The following LRRC15 variants were observed in gnomAD, a reference collection of about 807,000 sequenced individuals.
LRRC15 encodes the protein leucine-rich repeat-containing protein 15.
Under a neutral mutation model 4.3 loss-of-function variants are expected in LRRC15, and 5 were observed. The observed-to-expected ratio is 1.16, with a 90% CI of 0.61 to 2.44. LRRC15 has a LOEUF of 2.44. Ranked by LOEUF, LRRC15 falls within the 30% of genes most tolerant of loss-of-function variation. The pLI is 0.01. For synonymous variants in LRRC15, 337 were observed against 323.2 expected, an observed-to-expected ratio of 1.04 and a Z score of -0.46; for missense variants, 769 against 747.0, an observed-to-expected ratio of 1.03 and a Z score of -0.34.
chr3:194,369,216 C>G (rs1489367021), intron 1 of LRRC15, among the ~76,000 whole-genome samples: 1 of 152,248 alleles, frequency 6.6e-6, no homozygotes, highest in Non-Finnish European at 1.5e-5. Flanking sequence ...TGGGAGCCAC[C>G]AGGGCAAGTG....
In LRRC15 at chr3:194,360,146, G is replaced by A; in HGVS notation, c.898C>T (p.Leu300Phe). 1 of 1,614,246 alleles carries A rather than the reference G, an allele frequency of 6.2e-7. No individual in the cohort carries two copies. Among genetic ancestry groups the A allele is most frequent in the South Asian group, 1.1e-5 (1 of 91,086 alleles). Residue 300 changes from leucine to phenylalanine, a missense_variant, in exon 2 of 2, where the codon CTC becomes TTC. Transcript: ENST00000347624. ...AGAGAAGAGATGTGGTTGTCATAGA[G>A]CCAAAGCTCCCGCAGGTTGGGCATG... Reference protein sequence around the residue: ...GPMPNLRELWLYDNHISSLPD... With the variant: ...GPMPNLRELWFYDNHISSLPD...
In LRRC15 at chr3:194,359,488, G is replaced by A; in HGVS notation, c.1556C>T (p.Thr519Ile). The change falls in exon 2 of 2, where the codon ACT (threonine) becomes ATT (isoleucine). Residue 519 changes from threonine (T) to isoleucine (I), a missense_variant. By Grantham distance (89) the Thr-to-Ile change is moderately conservative (BLOSUM62 -1). Transcript: ENST00000347624. ...GCGGTCATCAGTGACCTGAATGGTA[G>A]TCAGATCAGTGTAGTCTTCCACAGG... ...TSPVEDYTDL[T>I]TIQVTDDRSV... The A allele has an allele frequency of 6.2e-7, 1 of 1,614,270 alleles. No individual in the cohort carries two copies. Among genetic ancestry groups the A allele is most frequent in the Non-Finnish European group, 8.5e-7 (1 of 1,180,048 alleles).
Position 194,360,762 on chromosome 3 carries a change from A to T in LRRC15, c.282T>A (p.Pro94=). ...IEKNELSRIT[P]GAFRNLGSLR... is the part of the protein sequence containing the mutation. ...GCGAGCCCAGGTTTCGGAAGGCCCC[A>T]GGCGTGATGCGCGACAGCTCATTCT... Residue 94 remains proline (P), a synonymous_variant, in exon 2 of 2, where the codon CCT becomes CCA. Coordinates refer to ENST00000347624, the MANE Select transcript of LRRC15 (RefSeq NM_130830.5). 1 of 1,614,232 alleles carries T rather than the reference A, an allele frequency of 6.2e-7. No homozygotes were observed. Among genetic ancestry groups the T allele is most frequent in the Non-Finnish European group, 8.5e-7 (1 of 1,180,028 alleles).
In LRRC15 at chr3:194,359,991, G is replaced by A. The variant is rs148152306; in HGVS notation, c.1053C>T (p.Asn351=). The change falls in exon 2 of 2, where the codon AAC becomes AAT. Residue 351 remains asparagine, a synonymous_variant. Transcript: ENST00000347624. ...TELRELSLHT[N]ALQDLDGNVF... The stretch of plus-strand genomic sequence containing the variant: ...CGTTCCCGTCCAGGTCCTGCAGTGC[G>A]TTGGTGTGGAGGGACAGCTCCCGAA... 75 of 1,614,098 alleles carry A rather than the reference G, an allele frequency of 4.6e-5. No homozygotes were observed. Among genetic ancestry groups the A allele is most frequent in the Admixed American group, 1.5e-4 (9 of 60,006 alleles).
chr3:194,361,912 C>T (rs1713639265), intron 1 of LRRC15, among the ~76,000 whole-genome samples: 1 of 152,198 alleles, frequency 6.6e-6, no homozygotes, highest in African/African-American at 2.4e-5. Flanking sequence ...GGAGAGGCTG[C>T]TGTGGCTTAG....
rs766573614 is a variant in LRRC15 at position 194,360,364 on chromosome 3, G to A, written c.680C>T (p.Ala227Val). The stretch of plus-strand genomic sequence containing the variant: ...CAGTCCAATCTGGTTCTGCTGCAGA[G>A]CCAGTTCCTGCAGGTTAACAAGCCC... ...FDGLVNLQEL[A>V]LQQNQIGLLS... is the part of the protein sequence containing the mutation. Residue 227 changes from alanine to valine, a missense_variant, in exon 2 of 2, where the codon GCT becomes GTT. Physicochemically the swap from Ala to Val is moderately conservative, Grantham distance 64. Coordinates refer to ENST00000347624, the MANE Select transcript of LRRC15 (RefSeq NM_130830.5). The A allele has an allele frequency of 5.0e-6, 8 of 1,614,138 alleles. No homozygotes were observed. The highest frequency in any genetic ancestry group is 6.8e-6 in the Non-Finnish European group (8 of 1,179,996).
chr3:194,363,268 C>A, intron 1 of LRRC15: 1 of 640,742 alleles, frequency 1.6e-6, no homozygotes, highest in Non-Finnish European at 2.9e-6. Context: ...TTGTTCACAG[C>A]CCATGGAAGC....
chr3:194,368,393 C>T (rs1713840732), intron 1 of LRRC15, among the ~76,000 whole-genome samples: 2 of 152,112 alleles, frequency 1.3e-5, no homozygotes, highest in African/African-American at 2.4e-5. Flanking sequence ...GACTGTCTGT[C>T]GAATCTATCC....
rs965244999 is a variant in LRRC15 at position 194,363,458 on chromosome 3, C to G, written c.-3-2412G>C. ...ATATAGACAAATGTCAGGTCCAGAA[C>G]CCAGCAACAGAAAACAAGCTGCCTA... On this transcript the variant is annotated intron_variant, in intron 1 of 1. Transcript: ENST00000347624. 4.7e-6 allele frequency: 3 copies of G among 640,678 alleles called. No homozygotes were observed. In the African/African-American group the frequency reaches 5.6e-5, roughly 12 times the overall value. 39.7% of individuals were successfully genotyped at this position (640,678 alleles called of 1,614,324 possible).
chr3:194,362,939 G>GTTTTTTTTTTTTT (rs140437995), intron 1 of LRRC15, among the ~76,000 whole-genome samples: 1 of 78,372 alleles, frequency 1.3e-5, no homozygotes, highest in Non-Finnish European at 2.7e-5. Context: ...CCTTGATTTT[G>GTTTTTTTTTTTTT]TTTTTTTTTT....
chr3:194,360,393 A>C lies in LRRC15; in HGVS notation c.651T>G (p.Phe217Leu), dbSNP rs1713581863. Residue 217 changes from phenylalanine to leucine, a missense_variant, in exon 2 of 2, where the codon TTT becomes TTG. Transcript: ENST00000347624. ...GTTCCTGCAGGTTAACAAGCCCATC[A>C]AAAGTGCCCATGGGGATATCCGTGA... ...NRLTDIPMGT[F>L]DGLVNLQELA... 2 of 1,614,060 alleles carry C rather than the reference A, an allele frequency of 1.2e-6. No homozygotes were observed. Among genetic ancestry groups the C allele is most frequent in the Non-Finnish European group, 1.7e-6 (2 of 1,180,032 alleles).
rs530085300 is a variant in LRRC15, at chr3:194,355,578, C to T, written c.*3720G>A. ...CCTCTCTGAACCACAGCCATGGCTT[C>T]CTTCCCAAGGCCACTGCTGGCTTCC... On this transcript the variant is annotated 3_prime_UTR_variant, in exon 2 of 2. Transcript: ENST00000347624. The T allele has an allele frequency of 1.3e-5, 2 of 152,396 alleles. No individual in the cohort carries two copies. The highest frequency in any genetic ancestry group is 3.9e-4 in the East Asian group (2 of 5,188). 9.4% of individuals were successfully genotyped at this position (152,396 alleles called of 1,614,324 possible).
At chr3:194,362,855 G>A (rs4293658) in intron 1 of LRRC15, among the ~76,000 whole-genome samples, 44,684 of 150,084 alleles carry the variant, frequency 0.3, 7,470 homozygotes, top group African/African-American at 0.45. Flanking sequence ...CCTCAGCCCC[G>A]TGCACCCCTT....
In LRRC15 at chr3:194,359,139, G is replaced by A. The variant is rs1713519170; in HGVS notation, c.*159C>T. Reference sequence around the variant, plus strand: ...GTCCGGCACGACCTGCTTCTCTACGGGAGAATCAGGCAAGTCAGGAAGAGG... The same window carrying A: ...GTCCGGCACGACCTGCTTCTCTACGAGAGAATCAGGCAAGTCAGGAAGAGG... On this transcript the variant is annotated 3_prime_UTR_variant, in exon 2 of 2. Transcript: ENST00000347624. The A allele has an allele frequency of 1.5e-6, 1 of 649,138 alleles. No individual in the cohort carries two copies. The highest frequency in any genetic ancestry group is 2.5e-6 in the Non-Finnish European group (1 of 392,476). The allele number at this position is 649,138 out of a possible 1,614,324, so 40.2% of individuals were successfully genotyped here.
Position 194,355,789 on chromosome 3 carries a change from C to G in LRRC15, c.*3509G>C, listed in dbSNP as rs1356116787. On this transcript the variant is annotated 3_prime_UTR_variant, in exon 2 of 2. Coordinates refer to ENST00000347624, the MANE Select transcript of LRRC15 (RefSeq NM_130830.5). Reference sequence around the variant, plus strand: ...TTTCCCAATAGCTCTACATCAGCATCTGAAAGGTTGTGGAAATTGTGTCCA... The same window carrying G: ...TTTCCCAATAGCTCTACATCAGCATGTGAAAGGTTGTGGAAATTGTGTCCA... The G allele has an allele frequency of 1.3e-5, 2 of 152,236 alleles. No individual in the cohort carries two copies. Among genetic ancestry groups the G allele is most frequent in the Non-Finnish European group, 2.9e-5 (2 of 68,048 alleles). The allele number at this position is 152,236 out of a possible 1,614,324, so 9.4% of individuals were successfully genotyped here.
In LRRC15 at chr3:194,356,138, G is replaced by C. The variant is rs1023913163; in HGVS notation, c.*3160C>G. 2.6e-5 allele frequency: 4 copies of C among 152,226 alleles called. No homozygotes were observed. The highest frequency in any genetic ancestry group is 9.7e-5 in the African/African-American group (4 of 41,436). The allele number at this position is 152,226 out of a possible 1,614,324, so 9.4% of individuals were successfully genotyped here. On this transcript the variant is annotated 3_prime_UTR_variant, in exon 2 of 2. Coordinates refer to ENST00000347624, the MANE Select transcript of LRRC15 (RefSeq NM_130830.5). Reference sequence around the variant, plus strand: ...TATTGAACACCATGCAGAAGAGCAAGTGCCTCTGTACCCCATCACAAGTGG... The same window carrying C: ...TATTGAACACCATGCAGAAGAGCAACTGCCTCTGTACCCCATCACAAGTGG...
Position 194,360,821 on chromosome 3 carries a change from T to C in LRRC15, c.223A>G (p.Asn75Asp). The C allele has an allele frequency of 6.2e-7, 1 of 1,614,132 alleles. No homozygotes were observed. The highest frequency in any genetic ancestry group is 8.5e-7 in the Non-Finnish European group (1 of 1,180,002). ...ITELNESPFL[N>D]ISALIALRIE... is the part of the protein sequence containing the mutation. ...CTCAGGGCGATGAGGGCTGAGATAT[T>C]GAGGAACGGGGACTCATTGAGTTCA... The change falls in exon 2 of 2, where the codon AAT becomes GAT. Residue 75 changes from asparagine (N) to aspartate (D), a missense_variant. By Grantham distance (23) the Asn-to-Asp change is conservative (BLOSUM62 1). Transcript: ENST00000347624.
In LRRC15 at chr3:194,360,431, A is replaced by G; in HGVS notation, c.613T>C (p.Tyr205His). Residue 205 changes from tyrosine (Y) to histidine (H), a missense_variant, in exon 2 of 2, where the codon TAT becomes CAT. Transcript: ENST00000347624. ...GGGATATCCGTGAGCCTGTTCTCAT[A>G]CAGCCGGAGGACCTGGAGGTTGCCC... is the stretch of plus-strand genomic sequence containing the variant. ...HLGNLQVLRL[Y>H]ENRLTDIPMG... 6.2e-7 allele frequency: 1 copy of G among 1,614,188 alleles called. No homozygotes were observed. Among genetic ancestry groups the G allele is most frequent in the Non-Finnish European group, 8.5e-7 (1 of 1,180,038 alleles).
Position 194,360,311 on chromosome 3 carries a change from GGTT to G in LRRC15, c.730_732del (p.Asn244del), listed in dbSNP as rs541093166. On this transcript the variant is annotated inframe_deletion, in exon 2 of 2. Transcript: ENST00000347624. The stretch of plus-strand genomic sequence containing the variant: ...GACAGGTAGAGTCTCTGGAGGTTGT[GGTT>G]GTTGTGGAAGAGACCAGGGGAGAGC... The G allele has an allele frequency of 1.1e-4, 175 of 1,614,138 alleles. 1 individual carries two copies. In the South Asian group the frequency reaches 1.9e-3, roughly 17 times the overall value.
Sources: allele counts gnomAD v4.1 joint callset (sites outside exome capture counted in the v4.1 genomes callset), GRCh38; gene constraint gnomAD v4.1.1; transcripts MANE v1.5; gene names NCBI Gene and HGNC (gene_info 2026-07-23, HGNC 2026-07-21).